The following HESX1 variants were observed in gnomAD, a reference collection of about 807,000 sequenced individuals.
The protein encoded by HESX1 is HESX homeobox 1.
A neutral mutation model predicts 22.5 loss-of-function variants in HESX1; 11 were observed. That is an observed-to-expected ratio of 0.49 (90% confidence interval 0.31 to 0.81). The LOEUF (loss-of-function observed/expected upper bound fraction) is 0.81, where lower values mean the gene tolerates loss of function less well. Among genes scored for constraint, HESX1 ranks in the 30% least tolerant of loss-of-function variants. The probability of loss-of-function intolerance (pLI) is 0.05; values close to 1 mark genes in which losing one functional copy is unlikely to be tolerated. For synonymous variants in HESX1, 74 were observed against 76.5 expected, an observed-to-expected ratio of 0.97 and a Z score of 0.17; for missense variants, 201 against 212.6, an observed-to-expected ratio of 0.95 and a Z score of 0.34.
intron 1 of HESX1, among the ~76,000 whole-genome samples, chr3:57,220,863 G>C (rs1171367551): frequency 6.6e-6 from 1 of 152,182 alleles, no homozygotes; most frequent in East Asian, 1.9e-4. Context: ...TGGGCACAAG[G>C]CTTTGCCTGA....
Position 57,216,785 on chromosome 3 carries a change from G to A in HESX1, c.-111+9511C>T, listed in dbSNP as rs558033047. Among the ~76,000 whole-genome samples the A allele has an allele frequency of 2.0e-5, 3 of 152,218 alleles. No individual in the cohort carries two copies. The South Asian group carries it at 6.2e-4, about 32-fold the overall frequency. On this transcript the variant is annotated intron_variant, in intron 1 of 2. Coordinates refer to the HESX1 transcript ENST00000495160. ...TTTAATTTTGATTAAGATGGTGTCTGCCAGGTTTCTCCACTGTAAAGTTAC... is the reference window on the plus strand; with the variant it reads ...TTTAATTTTGATTAAGATGGTGTCTACCAGGTTTCTCCACTGTAAAGTTAC...
intron 1 of HESX1, among the ~76,000 whole-genome samples, chr3:57,222,066 G>A (rs1023913341): frequency 1.3e-5 from 2 of 152,152 alleles, no homozygotes; most frequent in African/African-American, 4.8e-5. Context: ...GAGGTAGTCT[G>A]AATCCTAAAT....
At chr3:57,216,141 C>A (rs2060581257) in intron 1 of HESX1, among the ~76,000 whole-genome samples, 1 of 152,168 alleles carries the variant, frequency 6.6e-6, no homozygotes, top group Non-Finnish European at 1.5e-5. Context: ...TCATTCATTG[C>A]CCCAAATAAC....
intron 1 of HESX1, among the ~76,000 whole-genome samples, chr3:57,218,686 G>T (rs1220874692): frequency 6.6e-6 from 1 of 151,982 alleles, no homozygotes; most frequent in South Asian, 2.1e-4. Context: ...CAGGTGATCC[G>T]CCTGCCTTGG....
At chr3:57,207,821 A>G (rs1400242334) in intron 1 of HESX1, among the ~76,000 whole-genome samples, 1 of 152,244 alleles carries the variant, frequency 6.6e-6, no homozygotes, top group African/African-American at 2.4e-5. Context: ...ATAATTATTG[A>G]AATATACTCT....
chr3:57,208,825 G>A (rs2060534693), intron 1 of HESX1, among the ~76,000 whole-genome samples: 3 of 151,968 alleles, frequency 2.0e-5, no homozygotes, highest in Admixed American at 2.0e-4. Context: ...GCCGGGCATG[G>A]TGGCACATGC....
intron 1 of HESX1, among the ~76,000 whole-genome samples, chr3:57,216,055 C>T (rs1359120730): frequency 6.6e-6 from 1 of 152,154 alleles, no homozygotes; most frequent in Non-Finnish European, 1.5e-5. Flanking sequence ...CCTATATAAT[C>T]ACAATCAAAC....
rs111304953 is a variant in HESX1 at position 57,221,156 on chromosome 3, A to ATT, written c.-111+5138_-111+5139dup. Among the ~76,000 whole-genome samples the ATT allele has an allele frequency of 9.9e-5, 14 of 141,950 alleles. No homozygotes were observed. The East Asian group carries it at 2.5e-3, about 25-fold the overall frequency. 93.1% of individuals were successfully genotyped at this position (141,950 alleles called of 152,430 possible). A position where few individuals can be genotyped will look rare whatever the true frequency, so the allele number is the denominator to read the frequency against. On this transcript the variant is annotated intron_variant, in intron 1 of 2. Coordinates refer to the HESX1 transcript ENST00000495160. ...AGCTGCCCCGGCTCTGTTTTCCCTA[A>ATT]TTTTTTTTTTTTTTTGAGACAAGGC... is the stretch of plus-strand genomic sequence containing the variant.
upstream of HESX1, among the ~76,000 whole-genome samples, chr3:57,227,237 G>A (rs1579373248): frequency 6.6e-6 from 1 of 152,152 alleles, no homozygotes; most frequent in African/African-American, 2.4e-5. Flanking sequence ...TCGAGCCTAC[G>A]TTCACAAGTT....
Position 57,212,557 on chromosome 3 carries a change from C to CAAAAAAAAAAA in HESX1, c.-110-12540_-110-12530dup, listed in dbSNP as rs56093005. On this transcript the variant is annotated intron_variant, in intron 1 of 2. Coordinates refer to the HESX1 transcript ENST00000495160. ...CTGGGGACAGAGCAAGACTCTGTCTCAAAAAAAAAAAAAAAAAGATTCATT... is the reference window on the plus strand; with the variant it reads ...CTGGGGACAGAGCAAGACTCTGTCTCAAAAAAAAAAAAAAAAAAAAAAAAAAAAGATTCATT... 5.0e-5 allele frequency among the ~76,000 whole-genome samples: 4 copies of CAAAAAAAAAAA among 80,158 alleles called. 1 individual carries two copies. The highest frequency in any genetic ancestry group is 1.4e-4 in the Admixed American group (1 of 6,922). The allele number at this position is 80,158 out of a possible 152,430, so 52.6% of individuals were successfully genotyped here.
chr3:57,224,785 A>T (rs2060633195), intron 1 of HESX1, among the ~76,000 whole-genome samples: 1 of 152,186 alleles, frequency 6.6e-6, no homozygotes, highest in Non-Finnish European at 1.5e-5. Flanking sequence ...TCATGTAAAA[A>T]CCTAATTATA....
intron 1 of HESX1, among the ~76,000 whole-genome samples, chr3:57,205,402 TCAAA>T (rs2060514497): frequency 6.6e-6 from 1 of 152,116 alleles, no homozygotes; most frequent in Non-Finnish European, 1.5e-5. Context: ...AGACCCTGTC[TCAAA>T]CAAACAAACA....
intron 1 of HESX1, among the ~76,000 whole-genome samples, chr3:57,206,623 A>G (rs903461551): frequency 6.6e-6 from 1 of 152,246 alleles, no homozygotes; most frequent in Admixed American, 6.5e-5. Context: ...TCAGTAACCA[A>G]ATGGTAAACA....
intron 1 of HESX1, among the ~76,000 whole-genome samples, chr3:57,212,440 T>G (rs1310999061): frequency 6.6e-6 from 1 of 151,224 alleles, no homozygotes; most frequent in Non-Finnish European, 1.5e-5. Flanking sequence ...GTGCCTGTAG[T>G]CCCAACTACT....
Position 57,211,045 on chromosome 3 carries a change from C to T in HESX1, c.-110-11017G>A, listed in dbSNP as rs573935404. On this transcript the variant is annotated intron_variant, in intron 1 of 2. Transcript: ENST00000495160. The stretch of plus-strand genomic sequence containing the variant: ...ACCAGCCTGACCAATATGGAGAAAC[C>T]CCAACTCTACTAAAAATACAAAATT... Among the ~76,000 whole-genome samples, 193 of 151,804 alleles carry T rather than the reference C, an allele frequency of 1.3e-3. 1 individual carries two copies. Among genetic ancestry groups the T allele is most frequent in the Non-Finnish European group, 1.9e-3 (130 of 67,976 alleles).
chr3:57,227,384 G>T (rs377528335), upstream of HESX1, among the ~76,000 whole-genome samples: 4 of 152,210 alleles, frequency 2.6e-5, no homozygotes, highest in East Asian at 5.8e-4. Context: ...ACTAAAAGGC[G>T]CCAGCAGTAG....
In HESX1 at chr3:57,198,128, C is replaced by T; in HGVS notation, c.*69G>A. The T allele has an allele frequency of 2.1e-6, 2 of 968,074 alleles. No individual in the cohort carries two copies. Among genetic ancestry groups the T allele is most frequent in the Non-Finnish European group, 3.3e-6 (2 of 603,356 alleles). The allele number at this position is 968,074 out of a possible 1,614,324, so 60.0% of individuals were successfully genotyped here. ...CAGGAAAGAAAACATCACATTTTAACACTTAATATTTCCACTGATTCTTCA... is the reference window on the plus strand; with the variant it reads ...CAGGAAAGAAAACATCACATTTTAATACTTAATATTTCCACTGATTCTTCA... On this transcript the variant is annotated 3_prime_UTR_variant, in exon 4 of 4. Transcript: ENST00000295934.
intron 1 of HESX1, among the ~76,000 whole-genome samples, chr3:57,217,225 C>A (rs943464270): frequency 1.3e-5 from 2 of 152,084 alleles, no homozygotes; most frequent in Non-Finnish European, 2.9e-5. Context: ...TGCTTCCAGG[C>A]CCTCTCAGTG....
intron 1 of HESX1, among the ~76,000 whole-genome samples, chr3:57,213,876 G>A (rs1237597449): frequency 3.3e-5 from 5 of 152,152 alleles, no homozygotes; most frequent in Non-Finnish European, 5.9e-5. Context: ...AGCCGAGATC[G>A]TGCCACTGTA....
Sources: allele counts gnomAD v4.1 joint callset (sites outside exome capture counted in the v4.1 genomes callset), GRCh38; gene constraint gnomAD v4.1.1; transcripts MANE v1.5; gene names NCBI Gene and HGNC (gene_info 2026-07-23, HGNC 2026-07-21).